EPB41L2: variants seen among roughly 807,000 people sequenced by gnomAD.
EPB41L2 encodes the protein erythrocyte membrane protein band 4.1 like 2.
Under a neutral mutation model 113.0 loss-of-function variants are expected in EPB41L2, and 43 were observed. The observed-to-expected ratio is 0.38, with a 90% confidence interval of 0.30 to 0.49. EPB41L2 has a LOEUF of 0.49. EPB41L2 is among the 20% of genes least tolerant of loss of function. The pLI, the probability that EPB41L2 is intolerant of heterozygous loss-of-function variation, is 0.95. For synonymous variants in EPB41L2, 442 were observed against 436.7 expected, an observed-to-expected ratio of 1.01 and a Z score of -0.15; for missense variants, 1,147 against 1,223.4, an observed-to-expected ratio of 0.94 and a Z score of 0.93.
chr6:130,863,803 C>T (rs966773292), intron 17 of EPB41L2, 85 bp from the exon 18 acceptor site: 10 of 836,168 alleles, frequency 1.2e-5, no homozygotes, highest in Non-Finnish European at 1.6e-5. Flanking sequence ...TGGGAGTCCA[C>T]CTAGACCTGT....
chr6:131,060,583 C>T (rs1234637822), intron 1 of EPB41L2, among the ~76,000 whole-genome samples: 2 of 152,182 alleles, frequency 1.3e-5, no homozygotes, highest in African/African-American at 2.4e-5. Flanking sequence ...AAGAATGTTA[C>T]GTTAAGAAGC....
intron 14 of EPB41L2, among the ~76,000 whole-genome samples, chr6:130,877,845 A>ACTAG (rs34127589): frequency 6.6e-6 from 1 of 151,558 alleles, no homozygotes; most frequent in African/African-American, 2.4e-5. Context: ...ATTCATTACT[A>ACTAG]CAATTTACCT....
At chr6:130,885,362 T>C (rs1790601778) in intron 11 of EPB41L2, 94 bp from the exon 12 acceptor site, 1 of 1,168,690 alleles carries the variant, frequency 8.6e-7, no homozygotes, top group Admixed American at 1.9e-5. Flanking sequence ...ACAGGCAGCA[T>C]ATAAATAGTG....
At chr6:130,852,847 G>A (rs563562049) in intron 19 of EPB41L2, among the ~76,000 whole-genome samples, 1 of 152,232 alleles carries the variant, frequency 6.6e-6, no homozygotes, top group East Asian at 1.9e-4. Context: ...ATTTTGCACT[G>A]TTCTTGGAGC....
At chr6:131,013,926 C>T (rs1012209836) in intron 1 of EPB41L2, among the ~76,000 whole-genome samples, 11 of 152,142 alleles carry the variant, frequency 7.2e-5, no homozygotes, top group Non-Finnish European at 1.2e-4. Flanking sequence ...GGAATCACAG[C>T]TGTTTCTGTT....
intron 19 of EPB41L2, among the ~76,000 whole-genome samples, chr6:130,844,471 C>G (rs1200873844): frequency 1.3e-5 from 2 of 151,900 alleles, no homozygotes; most frequent in African/African-American, 4.8e-5. Context: ...ACTCAGGAGG[C>G]TGAGGCAGGA....
chr6:131,051,599 T>G (rs1212274750), intron 1 of EPB41L2, among the ~76,000 whole-genome samples: 1 of 152,098 alleles, frequency 6.6e-6, no homozygotes, highest in African/African-American at 2.4e-5. Context: ...AGAAAACTGT[T>G]ACTGTTTTGG....
chr6:130,911,515 T>A (rs1799388697), intron 4 of EPB41L2, among the ~76,000 whole-genome samples: 1 of 151,602 alleles, frequency 6.6e-6, no homozygotes, highest in Non-Finnish European at 1.5e-5. Context: ...GAACTTAAAG[T>A]ACAATAATAA....
chr6:131,048,762 T>C (rs374783826), intron 1 of EPB41L2, among the ~76,000 whole-genome samples: 40 of 152,328 alleles, frequency 2.6e-4, no homozygotes, highest in African/African-American at 9.4e-4. Flanking sequence ...AAATTTTCCA[T>C]AGTAAAAAGT....
At chr6:130,929,150 C>T (rs908686958) in intron 3 of EPB41L2, among the ~76,000 whole-genome samples, 2 of 152,084 alleles carry the variant, frequency 1.3e-5, no homozygotes, top group Non-Finnish European at 2.9e-5. Context: ...AGCAAAAATG[C>T]AACAACACAT....
chr6:130,867,544 T>A lies in EPB41L2; in HGVS notation c.2645A>T (p.Asp882Val), dbSNP rs773781736. 3.7e-6 allele frequency: 6 copies of A among 1,613,918 alleles called. No homozygotes were observed. Among genetic ancestry groups the A allele is most frequent in the Non-Finnish European group, 4.2e-6 (5 of 1,179,858 alleles). Residue 882 changes from aspartate to valine, a missense_variant, in exon 16 of 20, where the codon GAT becomes GTT. Coordinates refer to ENST00000337057, the MANE Select transcript of EPB41L2 (RefSeq NM_001431.4). ...VVKTEMVTIS[D>V]ASQRTEISTK... ...GGAGATTTCTGTCCTTTGTGAGGCATCAGAAATTGTTACCATCTCTGTTTT... is the reference window on the plus strand; with the variant it reads ...GGAGATTTCTGTCCTTTGTGAGGCAACAGAAATTGTTACCATCTCTGTTTT...
intron 18 of EPB41L2, among the ~76,000 whole-genome samples, chr6:130,859,281 G>A (rs1414763198): frequency 6.6e-6 from 1 of 152,144 alleles, no homozygotes; most frequent in African/African-American, 2.4e-5. Flanking sequence ...CAGCACTTTG[G>A]GACGCCAACG....
intron 5 of EPB41L2, 44 bp from the exon 6 acceptor site, chr6:130,904,584 G>T (rs1797192496): frequency 1.5e-6 from 2 of 1,296,780 alleles, no homozygotes; most frequent in African/African-American, 2.9e-5. Context: ...ATTAACAGAA[G>T]AATGACTATT....
At chr6:130,892,497 A>ATT (rs1466025729) in intron 10 of EPB41L2, among the ~76,000 whole-genome samples, 1 of 146,324 alleles carries the variant, frequency 6.8e-6, no homozygotes, top group Admixed American at 7.1e-5. Context: ...CTAGCTTTAT[A>ATT]TGAGCTGGCT....
chr6:130,907,058 T>C (rs977903419), intron 5 of EPB41L2, among the ~76,000 whole-genome samples: 3 of 152,036 alleles, frequency 2.0e-5, no homozygotes, highest in African/African-American at 4.8e-5. Flanking sequence ...GAAATCTCCA[T>C]GACTCTGAAG....
At chr6:130,862,552 G>A (rs183886641) in intron 18 of EPB41L2, among the ~76,000 whole-genome samples, 4 of 152,294 alleles carry the variant, frequency 2.6e-5, no homozygotes, top group Admixed American at 2.0e-4. Flanking sequence ...TTTTCCCATG[G>A]TAAGCAGACA....
chr6:130,929,507 C>T (rs1440422210), intron 3 of EPB41L2, among the ~76,000 whole-genome samples: 1 of 152,126 alleles, frequency 6.6e-6, no homozygotes, highest in Non-Finnish European at 1.5e-5. Flanking sequence ...TCTCAGATGA[C>T]TGTGAGGACT....
intron 15 of EPB41L2, 65 bp from the exon 16 acceptor site, chr6:130,867,646 C>T (rs748451870): frequency 6.4e-7 from 1 of 1,571,874 alleles, no homozygotes; most frequent in Non-Finnish European, 8.7e-7. Flanking sequence ...TTTAATGGAA[C>T]CTTCACAAAT....
chr6:130,860,226 C>T, intron 18 of EPB41L2, among the ~76,000 whole-genome samples: 1 of 152,124 alleles, frequency 6.6e-6, no homozygotes, highest in East Asian at 1.9e-4. Context: ...GACAAATGAT[C>T]AAATACTTTG....
Sources: allele counts gnomAD v4.1 joint callset (sites outside exome capture counted in the v4.1 genomes callset), GRCh38; gene constraint gnomAD v4.1.1; transcripts MANE v1.5; gene names NCBI Gene and HGNC (gene_info 2026-07-23, HGNC 2026-07-21).